The following PHACTR1 variants were observed in gnomAD, a reference collection of about 807,000 sequenced individuals.
PHACTR1 encodes the protein phosphatase and actin regulator 1.
PHACTR1 carries 16 observed loss-of-function variants against 69.2 expected under a neutral mutation model. The observed-to-expected ratio is 0.23, with a 90% CI of 0.16 to 0.35. The LOEUF is 0.35. Among genes scored for constraint, PHACTR1 ranks in the 10% least tolerant of loss-of-function variants. PHACTR1 has a pLI of 1.00. For missense variants in PHACTR1, 510 were observed against 734.7 expected (o/e 0.69, Z 3.54); for synonymous variants, 312 against 284.5 (o/e 1.10, Z -0.97).
chr6:12,997,140 C>T (rs1445174274), intron 4 of PHACTR1, among the ~76,000 whole-genome samples: 2 of 151,586 alleles, frequency 1.3e-5, no homozygotes, highest in Non-Finnish European at 2.9e-5. Flanking sequence ...GCACTCTAGC[C>T]TGGGCAGCAA....
At chr6:13,168,010 G>A (rs1760063888) in intron 6 of PHACTR1, among the ~76,000 whole-genome samples, 1 of 152,224 alleles carries the variant, frequency 6.6e-6, no homozygotes, top group African/African-American at 2.4e-5. Flanking sequence ...TATTCCAGGT[G>A]CATAGACTTC....
At chr6:12,724,053 C>G (rs1429012834) in intron 3 of PHACTR1, among the ~76,000 whole-genome samples, 1 of 152,164 alleles carries the variant, frequency 6.6e-6, no homozygotes. Context: ...TATGGGCTGG[C>G]GCAGTGGCTC....
intron 4 of PHACTR1, among the ~76,000 whole-genome samples, chr6:12,900,967 G>A (rs1582381309): frequency 6.6e-6 from 1 of 152,162 alleles, no homozygotes; most frequent in East Asian, 1.9e-4. Context: ...AGTTGAGAAA[G>A]CATGTTGATA....
chr6:13,151,825 TA>T (rs1322956374), intron 5 of PHACTR1, among the ~76,000 whole-genome samples: 1 of 152,148 alleles, frequency 6.6e-6, no homozygotes, highest in Non-Finnish European at 1.5e-5. Context: ...TTTGATGAGT[TA>T]GCCTATGGAG....
chr6:13,148,088 T>C (rs1424151186), intron 5 of PHACTR1, among the ~76,000 whole-genome samples: 1 of 151,750 alleles, frequency 6.6e-6, no homozygotes, highest in Non-Finnish European at 1.5e-5. Flanking sequence ...GTTTTTGAAC[T>C]TTATATAAAT....
At chr6:12,866,309 C>T (rs1258400394) in intron 4 of PHACTR1, among the ~76,000 whole-genome samples, 1 of 152,092 alleles carries the variant, frequency 6.6e-6, no homozygotes, top group Non-Finnish European at 1.5e-5. Context: ...CTGAGCTTTT[C>T]CTGGTAAAGA....
intron 1 of PHACTR1, among the ~76,000 whole-genome samples, chr6:12,717,151 A>G (rs1761480194): frequency 6.6e-6 from 1 of 151,986 alleles, no homozygotes; most frequent in Non-Finnish European, 1.5e-5. Flanking sequence ...GGAATGTCTA[A>G]CGTATGTTAA....
intron 5 of PHACTR1, among the ~76,000 whole-genome samples, chr6:13,107,909 A>G (rs1816433888): frequency 6.6e-6 from 1 of 151,826 alleles, no homozygotes; most frequent in South Asian, 2.1e-4. Context: ...TCTAGTCTTT[A>G]TTATTTCCTT....
intron 5 of PHACTR1, among the ~76,000 whole-genome samples, chr6:13,068,531 A>G (rs1809020510): frequency 6.6e-6 from 1 of 152,156 alleles, no homozygotes; most frequent in Non-Finnish European, 1.5e-5. Flanking sequence ...TGTATGGATA[A>G]CTTCATGATT....
At chr6:12,877,342 A>G (rs1782627240) in intron 4 of PHACTR1, among the ~76,000 whole-genome samples, 1 of 152,220 alleles carries the variant, frequency 6.6e-6, no homozygotes. Flanking sequence ...TCTGAAGGTC[A>G]GTATATGATC....
intron 5 of PHACTR1, among the ~76,000 whole-genome samples, chr6:13,073,032 T>G (rs934040567): frequency 3.9e-5 from 6 of 152,114 alleles, no homozygotes; most frequent in Admixed American, 2.0e-4. Context: ...CTTTTGTAGT[T>G]TATTATACTC....
chr6:13,072,751 T>C (rs1809731245), intron 5 of PHACTR1, among the ~76,000 whole-genome samples: 1 of 152,158 alleles, frequency 6.6e-6, no homozygotes, highest in Non-Finnish European at 1.5e-5. Flanking sequence ...GGGATAGAGA[T>C]CTGGTTCTGG....
At position 12,956,397 on chromosome 6, in the gene PHACTR1, T is replaced by C. The variant is rs552985271; in HGVS notation, c.251-96968T>C. On this transcript the variant is annotated intron_variant, in intron 4 of 14. Coordinates refer to ENST00000332995, the MANE Select transcript of PHACTR1 (RefSeq NM_030948.6). ...GATTCTGTTTGAACATGCTTGCTCC[T>C]TAGTGGGTATCATCTGGACAGAGAT... is the stretch of plus-strand genomic sequence containing the variant. Among the ~76,000 whole-genome samples, 12 of 152,232 alleles carry C rather than the reference T, an allele frequency of 7.9e-5. No individual in the cohort carries two copies. The South Asian group carries it at 2.3e-3, about 29-fold the overall frequency.
intron 4 of PHACTR1, among the ~76,000 whole-genome samples, chr6:12,777,417 C>T (rs956641705): frequency 3.3e-5 from 5 of 151,552 alleles, no homozygotes; most frequent in African/African-American, 1.2e-4. Context: ...CTCAAGTAGG[C>T]CCAGGTATCT....
intron 4 of PHACTR1, among the ~76,000 whole-genome samples, chr6:12,904,783 G>A (rs1785552598): frequency 6.6e-6 from 1 of 152,118 alleles, no homozygotes; most frequent in Admixed American, 6.5e-5. Context: ...AAAGGGCACG[G>A]TCTGACTTCT....
intron 8 of PHACTR1, among the ~76,000 whole-genome samples, chr6:13,207,245 T>C (rs572005238): frequency 7.2e-5 from 11 of 152,352 alleles, no homozygotes; most frequent in African/African-American, 2.6e-4. Context: ...ATATTACTTT[T>C]ATGATACTCA....
At chr6:12,867,853 C>A (rs963724977) in intron 4 of PHACTR1, among the ~76,000 whole-genome samples, 3 of 152,160 alleles carry the variant, frequency 2.0e-5, no homozygotes, top group African/African-American at 7.2e-5. Context: ...GGCCTATTGT[C>A]TGTGTGTGGG....
intron 4 of PHACTR1, among the ~76,000 whole-genome samples, chr6:12,972,678 G>C (rs1242793856): frequency 7.2e-6 from 1 of 137,996 alleles, no homozygotes; most frequent in African/African-American, 2.7e-5. Context: ...TTGAGACAGA[G>C]TCTCACTCTG....
At chr6:13,270,411 G>T (rs1321192470) in intron 10 of PHACTR1, among the ~76,000 whole-genome samples, 1 of 152,048 alleles carries the variant, frequency 6.6e-6, no homozygotes, top group Non-Finnish European at 1.5e-5. Flanking sequence ...CTGCTTCCCA[G>T]CTGAAAGCTC....
Sources: allele counts gnomAD v4.1 joint callset (sites outside exome capture counted in the v4.1 genomes callset), GRCh38; gene constraint gnomAD v4.1.1; transcripts MANE v1.5; gene names NCBI Gene and HGNC (gene_info 2026-07-23, HGNC 2026-07-21).